The following MEMO1 variants were observed in gnomAD, a reference collection of about 807,000 sequenced individuals.
MEMO1 encodes mediator of cell motility 1, also known as protein MEMO1.
Under a neutral mutation model 45.2 loss-of-function variants are expected in MEMO1, and 6 were observed. That is an observed-to-expected ratio of 0.13 (90% CI 0.07 to 0.26). The LOEUF (loss-of-function observed/expected upper bound fraction) is 0.26, where lower values mean the gene tolerates loss of function less well. Among genes scored for constraint, MEMO1 ranks in the 10% least tolerant of loss-of-function variants. The pLI is 1.00. For synonymous variants in MEMO1, 78 were observed against 124.3 expected (o/e 0.63, Z 2.48); for missense variants, 184 against 370.5 (o/e 0.50, Z 4.13).
chr2:31,901,526 C>T (rs1678811339), intron 6 of MEMO1, among the ~76,000 whole-genome samples: 1 of 151,130 alleles, frequency 6.6e-6, no homozygotes. Context: ...AATCTAGAAA[C>T]AGAAAGCAAA....
chr2:31,950,628 C>T (rs567670834), intron 2 of MEMO1, among the ~76,000 whole-genome samples: 3 of 147,948 alleles, frequency 2.0e-5, no homozygotes, highest in East Asian at 2.0e-4. Flanking sequence ...GGCTGAGGCA[C>T]GAGAATCGCT....
chr2:31,935,715 CA>C, intron 3 of MEMO1, among the ~76,000 whole-genome samples: 1 of 152,268 alleles, frequency 6.6e-6, no homozygotes, highest in East Asian at 1.9e-4. Flanking sequence ...TAATGACAAT[CA>C]AATCACACTA....
chr2:32,007,890 A>C (rs570618684), intron 2 of MEMO1, among the ~76,000 whole-genome samples: 1 of 152,298 alleles, frequency 6.6e-6, no homozygotes, highest in East Asian at 1.9e-4. Flanking sequence ...TTTACAATTG[A>C]ATTGCTTTAA....
intron 2 of MEMO1, among the ~76,000 whole-genome samples, chr2:31,966,973 GGAT>G (rs1668698958): frequency 6.6e-6 from 1 of 151,870 alleles, no homozygotes. Flanking sequence ...TATAAATATA[GGAT>G]AATACAGGAC....
At chr2:31,901,288 G>A (rs575299346) in intron 6 of MEMO1, among the ~76,000 whole-genome samples, 1 of 143,574 alleles carries the variant, frequency 7.0e-6, no homozygotes, top group East Asian at 2.1e-4. Context: ...CAGAAGAATC[G>A]CTTGAACCTG....
chr2:31,907,653 T>G (rs1215111287), intron 6 of MEMO1, among the ~76,000 whole-genome samples: 4 of 151,750 alleles, frequency 2.6e-5, no homozygotes, highest in Non-Finnish European at 5.9e-5. Flanking sequence ...ATTAGCCAGG[T>G]GTGGTGTTGT....
chr2:31,994,808 C>T (rs763077891), intron 2 of MEMO1, among the ~76,000 whole-genome samples: 1 of 151,960 alleles, frequency 6.6e-6, no homozygotes, highest in East Asian at 1.9e-4. Context: ...ATTAGCCGGG[C>T]ATGGTGGTGC....
At chr2:31,937,251 T>A (rs570072662) in intron 3 of MEMO1, among the ~76,000 whole-genome samples, 1 of 152,352 alleles carries the variant, frequency 6.6e-6, no homozygotes, top group African/African-American at 2.4e-5. Context: ...TTCAGAATAT[T>A]TTATTTTTAC....
At chr2:31,997,816 T>C (rs1672783050) in intron 2 of MEMO1, among the ~76,000 whole-genome samples, 1 of 152,148 alleles carries the variant, frequency 6.6e-6, no homozygotes, top group South Asian at 2.1e-4. Flanking sequence ...AAGGATATTA[T>C]CGAATCTACA....
At position 31,900,185 on chromosome 2, in the gene MEMO1, T is replaced by C. The variant is rs540064983; in HGVS notation, c.438-8051A>G. Among the ~76,000 whole-genome samples the C allele has an allele frequency of 1.8e-3, 279 of 152,326 alleles. 2 individuals are homozygous for C. Among genetic ancestry groups the C allele is most frequent in the African/African-American group, 6.5e-3 (270 of 41,566 alleles). ...CCCAGCAATCCCATTACTGGGTATA[T>C]ACCCAAAGGATTATAAATCATTCTA... On this transcript the variant is annotated intron_variant, in intron 6 of 9. Transcript: ENST00000404530.
chr2:31,922,920 T>C (rs964767605), intron 4 of MEMO1, among the ~76,000 whole-genome samples: 2 of 152,134 alleles, frequency 1.3e-5, no homozygotes, highest in African/African-American at 4.8e-5. Flanking sequence ...TTGTGAACAG[T>C]GCTGCAGTGA....
At chr2:31,883,493 T>C (rs766649053) in intron 7 of MEMO1, 31 bp from the exon 8 acceptor site, 10 of 1,468,036 alleles carry the variant, frequency 6.8e-6, no homozygotes, top group Admixed American at 2.4e-5. Context: ...CAAAATAAAA[T>C]AGGGAAAAAT....
intron 8 of MEMO1, among the ~76,000 whole-genome samples, chr2:31,876,266 T>A (rs1674550717): frequency 6.6e-6 from 1 of 152,166 alleles, no homozygotes; most frequent in African/African-American, 2.4e-5. Context: ...CAACTTCTCC[T>A]GTCTAAAATG....
At chr2:31,929,841 C>T (rs1683681288) in intron 4 of MEMO1, among the ~76,000 whole-genome samples, 1 of 152,232 alleles carries the variant, frequency 6.6e-6, no homozygotes, top group Non-Finnish European at 1.5e-5. Flanking sequence ...ACTCTAAAGA[C>T]ACTATAATTC....
chr2:31,920,655 T>C, intron 5 of MEMO1, 143 bp downstream of exon 5: 1 of 389,422 alleles, frequency 2.6e-6, no homozygotes, highest in Non-Finnish European at 4.5e-6. Flanking sequence ...CTTTTTTTGC[T>C]GTTTTATGCA....
rs146954247 is a variant in MEMO1 at position 32,008,323 on chromosome 2, C to G, written c.61+1864G>C. Among the ~76,000 whole-genome samples, 1,248 of 152,340 alleles carry G rather than the reference C, an allele frequency of 8.2e-3. 18 individuals are homozygous for G. Among genetic ancestry groups the G allele is most frequent in the Non-Finnish European group, 0.012 (838 of 68,036 alleles). On this transcript the variant is annotated intron_variant, in intron 2 of 9. Coordinates refer to ENST00000404530, the MANE Select transcript of MEMO1 (RefSeq NM_001301833.4). ...ACTTCTGGCCTGGCACAGTGGCTCA[C>G]GCCGGTAATCCCAGGACTTTGGGAG...
intron 2 of MEMO1, chr2:31,963,258 A>C: frequency 6.5e-7 from 1 of 1,540,542 alleles, no homozygotes; most frequent in Non-Finnish European, 8.8e-7. Flanking sequence ...ATTCCAAATA[A>C]ATCTCTTTCT....
intron 6 of MEMO1, among the ~76,000 whole-genome samples, chr2:31,898,236 G>A (rs1391583564): frequency 6.6e-6 from 1 of 151,954 alleles, no homozygotes; most frequent in African/African-American, 2.4e-5. Flanking sequence ...TCTGATCTTA[G>A]TTATTTCTTG....
chr2:31,874,065 G>A (rs1413388408), intron 8 of MEMO1, among the ~76,000 whole-genome samples: 1 of 152,084 alleles, frequency 6.6e-6, no homozygotes, highest in African/African-American at 2.4e-5. Context: ...TGAAGTAACT[G>A]ATAAATTTAA....
Sources: gnomAD v4.1 joint callset for allele counts (sites outside exome capture counted in the v4.1 genomes callset) on GRCh38, gnomAD v4.1.1 for gene constraint, MANE v1.5 for transcripts, NCBI Gene and HGNC (gene_info 2026-07-23, HGNC 2026-07-21) for gene names.